Variants in ADAMTS2 observed in about 807,000 individuals in gnomAD.
ADAMTS2 encodes the protein A disintegrin and metalloproteinase with thrombospondin motifs 2.
In ADAMTS2, 50 loss-of-function variants were observed where a neutral mutation model predicts 123.0. The observed-to-expected ratio is 0.41, with a 90% CI of 0.32 to 0.51. ADAMTS2 has a LOEUF of 0.51. ADAMTS2 is among the 20% of genes least tolerant of loss of function. The pLI, the probability that ADAMTS2 is intolerant of heterozygous loss-of-function variation, is 0.35. For missense variants in ADAMTS2, 1,494 were observed against 1,705.2 expected, an observed-to-expected ratio of 0.88 and a Z score of 2.18; for synonymous variants, 678 against 695.4, an observed-to-expected ratio of 0.98 and a Z score of 0.39.
Position 179,114,023 on chromosome 5 carries a change from G to T in ADAMTS2, c.3480C>A (p.Ala1160=), listed in dbSNP as rs34437036. 1.9e-3 allele frequency: 3,060 copies of T among 1,614,108 alleles called. 59 individuals are homozygous for T. In the African/African-American group the frequency reaches 0.036, roughly 19 times the overall value. Residue 1160 remains alanine, a synonymous_variant, in exon 22 of 22, where the codon GCC becomes GCA. Transcript: ENST00000251582. ...NATEDHPETN[A]VDEPYKIHGL... ...CATGGATTTTGTAGGGTTCATCTAC[G>T]GCATTGGTTTCTGGGTGATCCTCTG... is the stretch of plus-strand genomic sequence containing the variant.
Position 179,317,124 on chromosome 5 carries a change from G to A in ADAMTS2, c.534+26643C>T, listed in dbSNP as rs566671533. On this transcript the variant is annotated intron_variant, in intron 2 of 21. Coordinates refer to ENST00000251582, the MANE Select transcript of ADAMTS2 (RefSeq NM_014244.5). The surrounding 1 kb of genome is among the most constrained non-coding windows in gnomAD (Gnocchi z 4.9). Reference sequence around the variant, plus strand: ...ACAAAGCCCAGAGCCCCAACCCCACGTGGCCTGGGTCCCCACAGCCTCCAG... The same window carrying A: ...ACAAAGCCCAGAGCCCCAACCCCACATGGCCTGGGTCCCCACAGCCTCCAG... Among the ~76,000 whole-genome samples the A allele has an allele frequency of 1.2e-4, 18 of 152,204 alleles. No homozygotes were observed. The highest frequency in any genetic ancestry group is 3.9e-4 in the African/African-American group (16 of 41,538).
intron 3 of ADAMTS2, among the ~76,000 whole-genome samples, chr5:179,209,557 C>T (rs1251168934): frequency 6.7e-6 from 1 of 150,208 alleles, no homozygotes; most frequent in East Asian, 1.9e-4. Flanking sequence ...TGTACACACA[C>T]ACAAGCACAC....
chr5:179,211,227 C>T (rs937106809), intron 3 of ADAMTS2, among the ~76,000 whole-genome samples: 3 of 152,256 alleles, frequency 2.0e-5, no homozygotes, highest in Non-Finnish European at 4.4e-5. Context: ...CTCACACAGC[C>T]TCTGCTGTAT....
At position 179,132,976 on chromosome 5, in the gene ADAMTS2, C is replaced by T. The variant is rs61291378; in HGVS notation, c.2086-76G>A. 1.5e-3 allele frequency: 2,384 copies of T among 1,561,794 alleles called. 25 individuals are homozygous for T. The African/African-American group carries it at 0.029, about 19-fold the overall frequency. On this transcript the variant is annotated intron_variant, in intron 13 of 21. Coordinates refer to ENST00000251582, the MANE Select transcript of ADAMTS2 (RefSeq NM_014244.5). The surrounding 1 kb of genome is among the most constrained non-coding windows in gnomAD (Gnocchi z 6.1). ...AGGGTCATACTATGTTGCCCCCAGTCTCGAACACCTGGCCTCAAGCGATCC... is the reference window on the plus strand; with the variant it reads ...AGGGTCATACTATGTTGCCCCCAGTTTCGAACACCTGGCCTCAAGCGATCC...
At position 179,191,369 on chromosome 5, in the gene ADAMTS2, G is replaced by A. The variant is rs917253473; in HGVS notation, c.892-10214C>T. ...AGTGGCCAGGGCTCGTGCCACCCCC[G>A]GCCCTGGCATCCCCCCACACGCCCG... is the stretch of plus-strand genomic sequence containing the variant. On this transcript the variant is annotated intron_variant, in intron 4 of 21. Transcript: ENST00000251582. Among the ~76,000 whole-genome samples the A allele has an allele frequency of 9.2e-5, 14 of 152,246 alleles. No homozygotes were observed. In the South Asian group the frequency reaches 1.2e-3, roughly 14 times the overall value.
intron 3 of ADAMTS2, among the ~76,000 whole-genome samples, chr5:179,227,122 C>T (rs201443674): frequency 1.3e-5 from 2 of 151,792 alleles, no homozygotes; most frequent in African/African-American, 2.4e-5. Context: ...TGTGTGTACA[C>T]ATGTGTATAT....
Position 179,117,968 on chromosome 5 carries a change from G to A in ADAMTS2, c.3179-3644C>T, listed in dbSNP as rs966235716. 9.2e-5 allele frequency among the ~76,000 whole-genome samples: 14 copies of A among 152,146 alleles called. No homozygotes were observed. Among genetic ancestry groups the A allele is most frequent in the African/African-American group, 3.1e-4 (13 of 41,442 alleles). On this transcript the variant is annotated intron_variant, in intron 21 of 21. Coordinates refer to ENST00000251582, the MANE Select transcript of ADAMTS2 (RefSeq NM_014244.5). The surrounding 1 kb of genome is among the most constrained non-coding windows in gnomAD (Gnocchi z 4.2). Reference sequence around the variant, plus strand: ...TACAGAAAAGGTTGACTGATCGTGGGTCAAGTGCACGCCTAGGTCAGAGCC... The same window carrying A: ...TACAGAAAAGGTTGACTGATCGTGGATCAAGTGCACGCCTAGGTCAGAGCC...
intron 3 of ADAMTS2, among the ~76,000 whole-genome samples, chr5:179,244,682 A>G (rs769944510): frequency 2.0e-5 from 3 of 152,190 alleles, no homozygotes; most frequent in Non-Finnish European, 4.4e-5. Context: ...GATGTATATA[A>G]TTGTATTATT....
chr5:179,165,831 G>A (rs529045646), intron 5 of ADAMTS2, among the ~76,000 whole-genome samples: 1 of 152,330 alleles, frequency 6.6e-6, no homozygotes, highest in South Asian at 2.1e-4. Flanking sequence ...GGCGGGAGAA[G>A]CCTGCAGTAG....
At chr5:179,333,083 A>G (rs11249624) in intron 2 of ADAMTS2, among the ~76,000 whole-genome samples, 1 of 152,226 alleles carries the variant, frequency 6.6e-6, no homozygotes, top group East Asian at 1.9e-4. Flanking sequence ...CTGAATTTCC[A>G]GGTGAGAGAC....
intron 19 of ADAMTS2, among the ~76,000 whole-genome samples, 178 bp downstream of exon 19, chr5:179,124,795 G>C (rs1173576162): frequency 6.6e-6 from 1 of 151,954 alleles, no homozygotes; most frequent in Non-Finnish European, 1.5e-5. Flanking sequence ...CAATGATCAG[G>C]GCAGAGCTCG....
At position 179,118,024 on chromosome 5, in the gene ADAMTS2, T is replaced by C. The variant is rs115452855; in HGVS notation, c.3178+3637A>G. On this transcript the variant is annotated intron_variant, in intron 21 of 21. Transcript: ENST00000251582. The surrounding 1 kb of genome is among the most constrained non-coding windows in gnomAD (Gnocchi z 4.5). ...CGAGAAAGTGCTCCATAAATGCCCA[T>C]TGAGTGAGGGGTGGCAGCCCCAGGT... 8.4e-3 allele frequency among the ~76,000 whole-genome samples: 1,273 copies of C among 152,146 alleles called. 15 individuals carry two copies. Among genetic ancestry groups the C allele is most frequent in the African/African-American group, 0.029 (1,210 of 41,492 alleles).
intron 6 of ADAMTS2, among the ~76,000 whole-genome samples, chr5:179,157,059 G>T (rs184136220): frequency 1.3e-5 from 2 of 151,048 alleles, no homozygotes; most frequent in African/African-American, 4.9e-5. Flanking sequence ...TGCCTCCGGG[G>T]TTCTAGTGAT....
intron 21 of ADAMTS2, among the ~76,000 whole-genome samples, chr5:179,116,446 C>T (rs2113166692): frequency 6.6e-6 from 1 of 152,308 alleles, no homozygotes; most frequent in African/African-American, 2.4e-5. Context: ...TGGAGCACAT[C>T]TTCCTCAGGC....
rs184015140 is a variant in ADAMTS2 at position 179,329,103 on chromosome 5, G to A, written c.534+14664C>T. On this transcript the variant is annotated intron_variant, in intron 2 of 21. Coordinates refer to ENST00000251582, the MANE Select transcript of ADAMTS2 (RefSeq NM_014244.5). ...AGCACTTTGGGAGGCCAAGGAGGGCGGATCACGAGGTCAGGAGATGGAGAC... is the reference window on the plus strand; with the variant it reads ...AGCACTTTGGGAGGCCAAGGAGGGCAGATCACGAGGTCAGGAGATGGAGAC... Among the ~76,000 whole-genome samples the A allele has an allele frequency of 7.3e-3, 1,105 of 152,242 alleles. 17 individuals carry two copies. Among genetic ancestry groups the A allele is most frequent in the African/African-American group, 0.024 (1,012 of 41,532 alleles).
intron 15 of ADAMTS2, among the ~76,000 whole-genome samples, chr5:179,131,235 C>T (rs1406286459): frequency 2.7e-5 from 4 of 149,136 alleles, no homozygotes; most frequent in East Asian, 4.0e-4. Flanking sequence ...ATCACTTGAA[C>T]CCAGAAGGCG....
chr5:179,342,597 C>T (rs1394941272), intron 2 of ADAMTS2, among the ~76,000 whole-genome samples: 6 of 152,242 alleles, frequency 3.9e-5, no homozygotes, highest in African/African-American at 9.6e-5. Flanking sequence ...TGCCCGAGTA[C>T]GGGCGTGCTC....
At chr5:179,318,798 G>A (rs1381643674) in intron 2 of ADAMTS2, among the ~76,000 whole-genome samples, 1 of 151,440 alleles carries the variant, frequency 6.6e-6, no homozygotes, top group Non-Finnish European at 1.5e-5. Flanking sequence ...TTGAGACGTT[G>A]GGGCCTGGCC....
intron 3 of ADAMTS2, among the ~76,000 whole-genome samples, chr5:179,233,109 G>C (rs115717939): frequency 0.027 from 4,037 of 152,222 alleles, 181 homozygotes; most frequent in African/African-American, 0.09. Context: ...CTGTTTACTG[G>C]GAGAATCGTT....
Sources: allele counts gnomAD v4.1 joint callset (sites outside exome capture counted in the v4.1 genomes callset), GRCh38; gene constraint gnomAD v4.1.1; non-coding constraint Gnocchi (gnomAD v3.1); transcripts MANE v1.5; gene names NCBI Gene and HGNC (gene_info 2026-07-23, HGNC 2026-07-21).